TTC27: variants seen among roughly 807,000 people sequenced by gnomAD.
TTC27 encodes the protein tetratricopeptide repeat domain 27.
TTC27 carries 79 observed loss-of-function variants against 115.9 expected under a neutral mutation model. That is an observed-to-expected ratio of 0.68 (90% CI 0.57 to 0.82). The LOEUF (loss-of-function observed/expected upper bound fraction) is 0.82, where lower values mean the gene tolerates loss of function less well. Among genes scored for constraint, TTC27 ranks in the 40% least tolerant of loss-of-function variants. TTC27 has a pLI of 0.00. For synonymous variants in TTC27, 401 were observed against 356.0 expected (o/e 1.13, Z -1.42); for missense variants, 1,054 against 993.1 (o/e 1.06, Z -0.82).
chr2:32,723,667 A>T (rs1305698137), intron 10 of TTC27, among the ~76,000 whole-genome samples: 1 of 149,572 alleles, frequency 6.7e-6, no homozygotes. Context: ...TGAAAGTAGT[A>T]GCTAATTATT....
chr2:32,672,364 C>G lies in TTC27; in HGVS notation c.1032C>G (p.Ile344Met), dbSNP rs895909317. 9.3e-6 allele frequency: 15 copies of G among 1,612,978 alleles called. No homozygotes were observed. Among genetic ancestry groups the G allele is most frequent in the South Asian group, 4.4e-5 (4 of 90,966 alleles). The change falls in exon 8 of 20, where the codon ATC (isoleucine) becomes ATG (methionine). Residue 344 changes from isoleucine (I) to methionine (M), a missense_variant. Ile to Met is a conservative substitution (Grantham distance 10, BLOSUM62 1). Coordinates refer to ENST00000317907, the MANE Select transcript of TTC27 (RefSeq NM_017735.5). ...TGCCGGATCTGTGTGCTGAAGAGAT[C>G]GCTATTATTCTTGGAATCTGGTGAG... ...FQMPDLCAEEIAIILGICTNF... is the reference protein window; with the variant it reads ...FQMPDLCAEEMAIILGICTNF...
chr2:32,642,675 G>T (rs532133830), intron 4 of TTC27, among the ~76,000 whole-genome samples: 39 of 148,062 alleles, frequency 2.6e-4, no homozygotes, highest in East Asian at 4.0e-4. Context: ...TGTTTGTTTT[G>T]TTTTTTTTTT....
intron 16 of TTC27, among the ~76,000 whole-genome samples, chr2:32,810,514 T>C (rs549617883): frequency 6.6e-6 from 1 of 152,328 alleles, no homozygotes; most frequent in South Asian, 2.1e-4. Flanking sequence ...GGGAACTGTG[T>C]GGATAGGCTC....
rs1010918135 is a variant in TTC27 at position 32,636,813 on chromosome 2, G to A, written c.396+2808G>A. Among the ~76,000 whole-genome samples, 6 of 152,298 alleles carry A rather than the reference G, an allele frequency of 3.9e-5. No homozygotes were observed. In the East Asian group the frequency reaches 1.2e-3, roughly 29 times the overall value. Reference sequence around the variant, plus strand: ...GGATTTTGTCAAAGAAGACCTTTTAGTTGGAAGTGGACCTTGAGCTAGAAC... The same window carrying A: ...GGATTTTGTCAAAGAAGACCTTTTAATTGGAAGTGGACCTTGAGCTAGAAC... On this transcript the variant is annotated intron_variant, in intron 3 of 19. Transcript: ENST00000317907.
chr2:32,636,086 T>C (rs902926330), intron 3 of TTC27, among the ~76,000 whole-genome samples: 5 of 152,242 alleles, frequency 3.3e-5, no homozygotes, highest in Non-Finnish European at 5.9e-5. Context: ...TCATTCCCTC[T>C]CTTATTATGT....
At chr2:32,662,683 C>T (rs991076473) in intron 5 of TTC27, among the ~76,000 whole-genome samples, 15 of 152,148 alleles carry the variant, frequency 9.9e-5, no homozygotes, top group East Asian at 1.9e-4. Flanking sequence ...GTCTGGCTAG[C>T]GGTCTATCTA....
intron 16 of TTC27, among the ~76,000 whole-genome samples, chr2:32,805,610 G>A (rs557663492): frequency 6.6e-6 from 1 of 152,336 alleles, no homozygotes; most frequent in South Asian, 2.1e-4. Flanking sequence ...CACCATGGTG[G>A]TGAATTCTGT....
At chr2:32,776,344 AAGG>A (rs1000570576) in intron 13 of TTC27, among the ~76,000 whole-genome samples, 3 of 152,162 alleles carry the variant, frequency 2.0e-5, no homozygotes, top group African/African-American at 7.2e-5. Flanking sequence ...GGAATGGCTG[AAGG>A]AGGAGTGATG....
At chr2:32,674,456 C>G (rs996916505) in intron 8 of TTC27, among the ~76,000 whole-genome samples, 1 of 151,864 alleles carries the variant, frequency 6.6e-6, no homozygotes, top group South Asian at 2.1e-4. Context: ...CAGTCAAAAT[C>G]TTATTCTTTT....
chr2:32,735,526 C>T (rs1668425225), intron 11 of TTC27, among the ~76,000 whole-genome samples: 1 of 152,280 alleles, frequency 6.6e-6, no homozygotes, highest in Admixed American at 6.5e-5. Flanking sequence ...GATCTTCAGG[C>T]AGTTAGATAA....
chr2:32,659,584 C>T (rs775061564), intron 5 of TTC27, among the ~76,000 whole-genome samples: 7 of 150,916 alleles, frequency 4.6e-5, no homozygotes, highest in Non-Finnish European at 1.5e-5. Flanking sequence ...ATGTGCAGAA[C>T]GTGCAGGTTT....
intron 13 of TTC27, among the ~76,000 whole-genome samples, chr2:32,773,829 A>C (rs922936791): frequency 1.3e-5 from 2 of 152,188 alleles, no homozygotes; most frequent in African/African-American, 4.8e-5. Flanking sequence ...CAGCCAAAGG[A>C]GCTAGTTTTT....
At chr2:32,639,289 T>G (rs1197586253) in intron 3 of TTC27, among the ~76,000 whole-genome samples, 1 of 152,242 alleles carries the variant, frequency 6.6e-6, no homozygotes, top group African/African-American at 2.4e-5. Flanking sequence ...TGAAGATTCT[T>G]GCTCGCTATT....
chr2:32,816,851 A>G (rs1671516303), intron 18 of TTC27, among the ~76,000 whole-genome samples: 1 of 152,152 alleles, frequency 6.6e-6, no homozygotes, highest in Admixed American at 6.5e-5. Context: ...TGAAGTCCCC[A>G]TTGGGGACTT....
At chr2:32,752,688 G>C (rs2147985895) in intron 12 of TTC27, among the ~76,000 whole-genome samples, 1 of 152,192 alleles carries the variant, frequency 6.6e-6, no homozygotes, top group East Asian at 1.9e-4. Context: ...GGGATGGAAG[G>C]GTACAGTCAT....
At chr2:32,710,733 T>C (rs772986235) in intron 10 of TTC27, among the ~76,000 whole-genome samples, 2 of 152,008 alleles carry the variant, frequency 1.3e-5, no homozygotes, top group Non-Finnish European at 2.9e-5. Context: ...CCAGCCTGTA[T>C]ATACCTTTTC....
intron 13 of TTC27, among the ~76,000 whole-genome samples, chr2:32,769,672 T>C (rs761235653): frequency 2.0e-4 from 30 of 152,208 alleles, no homozygotes; most frequent in Non-Finnish European, 3.7e-4. Context: ...GATATTAGCT[T>C]TGGAAATAAG....
intron 12 of TTC27, among the ~76,000 whole-genome samples, chr2:32,738,610 C>T (rs144607631): frequency 6.6e-5 from 10 of 152,248 alleles, no homozygotes; most frequent in Non-Finnish European, 1.3e-4. Flanking sequence ...GTCAGCACTA[C>T]GTATGTTGTG....
chr2:32,670,899 G>A (rs185107500), intron 7 of TTC27, among the ~76,000 whole-genome samples: 1 of 148,980 alleles, frequency 6.7e-6, no homozygotes, highest in Non-Finnish European at 1.5e-5. Context: ...TATTACAGGC[G>A]TGAGCCACCA....
Sources: allele counts gnomAD v4.1 joint callset (sites outside exome capture counted in the v4.1 genomes callset), GRCh38; gene constraint gnomAD v4.1.1; transcripts MANE v1.5; gene names NCBI Gene and HGNC (gene_info 2026-07-23, HGNC 2026-07-21).